Variants in CREBRF observed in about 807,000 individuals in gnomAD.
CREBRF encodes the protein CREB3 regulatory factor.
A neutral mutation model predicts 66.1 loss-of-function variants in CREBRF; 5 were observed. That is an observed-to-expected ratio of 0.08 (90% CI 0.04 to 0.16). CREBRF has a LOEUF of 0.16. Ranked by LOEUF, CREBRF falls within the 10% of genes least tolerant of loss-of-function variation. The probability of loss-of-function intolerance (pLI) is 1.00; values close to 1 mark genes in which losing one functional copy is unlikely to be tolerated. For synonymous variants in CREBRF, 229 were observed against 264.4 expected (o/e 0.87, Z 1.30); for missense variants, 531 against 744.9 (o/e 0.71, Z 3.34).
chr5:173,138,202 G>A lies in CREBRF; in HGVS notation c.*4457G>A, dbSNP rs754579200. 6.6e-6 allele frequency: 1 copy of A among 151,956 alleles called. No individual in the cohort carries two copies. The highest frequency in any genetic ancestry group is 2.4e-5 in the African/African-American group (1 of 41,354). 9.4% of individuals were successfully genotyped at this position (151,956 alleles called of 1,614,324 possible). On this transcript the variant is annotated 3_prime_UTR_variant, in exon 9 of 9. Coordinates refer to ENST00000296953, the MANE Select transcript of CREBRF (RefSeq NM_153607.3). ...TTGTAATCTTTGTAATCTTAATAAGGGCATTATGAGAAGACGACTCCATGT... is the reference window on the plus strand; with the variant it reads ...TTGTAATCTTTGTAATCTTAATAAGAGCATTATGAGAAGACGACTCCATGT...
chr5:173,090,334 A>G lies in CREBRF; in HGVS notation c.155A>G (p.Gln52Arg), dbSNP rs1425957815. ...TCTCAGGATAGAGAGATGAACTACC[A>G]ACAGAATCCTAGAGACAACTTTCTT... The part of the protein sequence containing the change: ...MYELDREMNY[Q>R]QNPRDNFLSL... The change falls in exon 4 of 9, where the codon CAA becomes CGA. Residue 52 changes from glutamine (Q) to arginine (R), a missense_variant. Gln to Arg is a conservative substitution (Grantham distance 43). Transcript: ENST00000296953. This position sits in a 1 kb window ranked among gnomAD's most constrained non-coding sequence, Gnocchi z 4.5. The G allele has an allele frequency of 6.3e-7, 1 of 1,597,902 alleles. No individual in the cohort carries two copies.
intron 7 of CREBRF, among the ~76,000 whole-genome samples, chr5:173,118,533 G>C (rs928202456): frequency 2.0e-5 from 3 of 151,716 alleles, no homozygotes; most frequent in African/African-American, 7.3e-5. Flanking sequence ...TATGGTATAA[G>C]GTAAAAGATG....
rs1362456840 is a variant in CREBRF, at chr5:173,112,290, C to T, written c.1608-16C>T. ...TAAGAAAAAGAAAGTGAACTAACTG[C>T]TCCTTCCTTTCACAGAGCTTGTCGG... On this transcript the variant is annotated splice_polypyrimidine_tract_variant and intron_variant, in intron 6 of 8. Coordinates refer to ENST00000296953, the MANE Select transcript of CREBRF (RefSeq NM_153607.3). 9.0e-6 allele frequency: 14 copies of T among 1,556,464 alleles called. No individual in the cohort carries two copies. In the East Asian group the frequency reaches 2.5e-4, roughly 28 times the overall value.
At chr5:173,073,572 C>A (rs251243) in intron 1 of CREBRF, among the ~76,000 whole-genome samples, 1 of 151,996 alleles carries the variant, frequency 6.6e-6, no homozygotes. Context: ...TTGACAGATA[C>A]CAAGGCTGCA....
At chr5:173,099,609 A>G (rs1483261516) in intron 4 of CREBRF, among the ~76,000 whole-genome samples, 1 of 152,098 alleles carries the variant, frequency 6.6e-6, no homozygotes. Flanking sequence ...TGACTGTTTT[A>G]TAGTCCTTTT....
At chr5:173,082,642 T>C (rs1054176110) in intron 2 of CREBRF, among the ~76,000 whole-genome samples, 7 of 150,848 alleles carry the variant, frequency 4.6e-5, no homozygotes, top group Non-Finnish European at 7.4e-5. Context: ...TGGCAGTGGC[T>C]CATATCTGTA....
At chr5:173,117,643 CTCCT>C (rs1381961957) in intron 7 of CREBRF, among the ~76,000 whole-genome samples, 7 of 77,184 alleles carry the variant, frequency 9.1e-5, no homozygotes, top group South Asian at 4.2e-4. Flanking sequence ...CCCTCCTTCT[CTCCT>C]CTCTCTCTCT....
chr5:173,099,409 G>T (rs186345005), intron 4 of CREBRF, among the ~76,000 whole-genome samples: 72 of 152,228 alleles, frequency 4.7e-4, no homozygotes, highest in Non-Finnish European at 7.8e-4. Context: ...GCCTGCCTTG[G>T]CCTCTCAAAG....
chr5:173,056,417 A>G lies in CREBRF; in HGVS notation c.-254A>G. ...ACAAAACAAACCCGAGGCAGCATGG[A>G]GAGGGGCCGTGGCCCCTGCAGCGGA... On this transcript the variant is annotated 5_prime_UTR_variant, in exon 1 of 9. Transcript: ENST00000296953. The G allele has an allele frequency of 2.5e-6, 1 of 398,336 alleles. No homozygotes were observed. Among genetic ancestry groups the G allele is most frequent in the Middle Eastern group, 6.3e-4 (1 of 1,588 alleles). 24.7% of individuals were successfully genotyped at this position (398,336 alleles called of 1,614,324 possible). A position where few individuals can be genotyped will look rare whatever the true frequency, so the allele number is the denominator to read the frequency against.
chr5:173,112,133 G>A (rs1470999879), intron 6 of CREBRF, among the ~76,000 whole-genome samples, 173 bp from the exon 7 acceptor site: 1 of 152,172 alleles, frequency 6.6e-6, no homozygotes, highest in African/African-American at 2.4e-5. Context: ...GCTGGGCATG[G>A]TGCCTCATGC....
intron 1 of CREBRF, among the ~76,000 whole-genome samples, chr5:173,072,995 G>C (rs1304759399): frequency 6.6e-6 from 1 of 152,226 alleles, no homozygotes; most frequent in Non-Finnish European, 1.5e-5. Context: ...CTGAAAGTCA[G>C]AGAGTGATAG....
At chr5:173,129,768 T>A (rs975324568) in intron 8 of CREBRF, among the ~76,000 whole-genome samples, 1 of 151,858 alleles carries the variant, frequency 6.6e-6, no homozygotes, top group African/African-American at 2.4e-5. Flanking sequence ...TTAGTTAAAT[T>A]AAAATGTAAC....
chr5:173,106,308 T>A (rs1211718206), intron 4 of CREBRF, among the ~76,000 whole-genome samples: 1 of 151,842 alleles, frequency 6.6e-6, no homozygotes, highest in Non-Finnish European at 1.5e-5. Context: ...TGGGCGCCTG[T>A]AGTCCCAGCT....
At chr5:173,067,052 GTCC>G (rs914256877) in intron 1 of CREBRF, among the ~76,000 whole-genome samples, 1 of 151,980 alleles carries the variant, frequency 6.6e-6, no homozygotes, top group Non-Finnish European at 1.5e-5. Context: ...GTTGCAAGCA[GTCC>G]TCCTGCCTTA....
At chr5:173,126,545 T>C (rs982962213) in intron 8 of CREBRF, among the ~76,000 whole-genome samples, 1 of 152,222 alleles carries the variant, frequency 6.6e-6, no homozygotes, top group Admixed American at 6.5e-5. Flanking sequence ...CACTTCTGAC[T>C]GTGGGCTCCT....
At chr5:173,129,367 C>T (rs528828996) in intron 8 of CREBRF, among the ~76,000 whole-genome samples, 90 of 151,938 alleles carry the variant, frequency 5.9e-4, no homozygotes, top group African/African-American at 2.0e-3. Flanking sequence ...CCACCAGCCT[C>T]GGCCTCCCAA....
intron 5 of CREBRF, 117 bp from the exon 6 acceptor site, chr5:173,110,405 C>A: frequency 1.3e-6 from 1 of 782,052 alleles, no homozygotes; most frequent in Non-Finnish European, 2.3e-6. Context: ...CTGAAACATG[C>A]CAAGACTTCT....
chr5:173,075,879 A>G (rs1423798176), intron 1 of CREBRF, among the ~76,000 whole-genome samples: 2 of 150,944 alleles, frequency 1.3e-5, no homozygotes, highest in African/African-American at 2.4e-5. Context: ...GTCTTAGTCT[A>G]TTTTCTGTTG....
intron 3 of CREBRF, 81 bp downstream of exon 3, chr5:173,086,707 GA>G (rs938957069): frequency 1.4e-4 from 173 of 1,224,050 alleles, no homozygotes; most frequent in South Asian, 2.6e-4. Context: ...ATAAATGCCT[GA>G]AAAAAAAAGA....
Sources: allele counts gnomAD v4.1 joint callset (sites outside exome capture counted in the v4.1 genomes callset), GRCh38; gene constraint gnomAD v4.1.1; non-coding constraint Gnocchi (gnomAD v3.1); transcripts MANE v1.5; gene names NCBI Gene and HGNC (gene_info 2026-07-23, HGNC 2026-07-21).